The following MMP21 variants were observed in gnomAD, a reference collection of about 807,000 sequenced individuals.
The protein encoded by MMP21 is matrix metalloproteinase-21.
A neutral mutation model predicts 47.8 loss-of-function variants in MMP21; 40 were observed. The observed-to-expected ratio is 0.84, with a 90% CI of 0.65 to 1.09. The LOEUF is 1.09. Among genes scored for constraint, MMP21 ranks in the 50% least tolerant of loss-of-function variants. The pLI, the probability that MMP21 is intolerant of heterozygous loss-of-function variation, is 0.00. For synonymous variants in MMP21, 341 were observed against 318.0 expected (o/e 1.07, Z -0.77); for missense variants, 747 against 775.3 (o/e 0.96, Z 0.43).
chr10:125,774,435 A>T (rs1850493580), intron 1 of MMP21, 70 bp from the exon 2 acceptor site: 1 of 1,118,042 alleles, frequency 8.9e-7, no homozygotes, highest in Non-Finnish European at 1.2e-6. Flanking sequence ...CCTGCCCCAA[A>T]GTCTAGAGAG....
chr10:125,767,925 C>T (rs549500153), intron 5 of MMP21, among the ~76,000 whole-genome samples: 5 of 152,270 alleles, frequency 3.3e-5, no homozygotes, highest in East Asian at 1.9e-4. Context: ...TTTTCTTGGC[C>T]GTCACTGCTG....
chr10:125,772,131 T>A lies in MMP21; in HGVS notation c.979+87A>T. 6.6e-7 allele frequency: 1 copy of A among 1,511,658 alleles called. No individual in the cohort carries two copies. The highest frequency in any genetic ancestry group is 2.3e-5 in the East Asian group (1 of 44,324). The allele number at this position is 1,511,658 out of a possible 1,614,324, so 93.6% of individuals were successfully genotyped here. On this transcript the variant is annotated intron_variant, in intron 4 of 6. Transcript: ENST00000368808. This position sits in a 1 kb window ranked among gnomAD's most constrained non-coding sequence, Gnocchi z 5.6. ...CAACGTTGCGCTCTTAGGCCCAGTT[T>A]CCCAGTGAGGAGTGAGCGGGGTCCT...
In MMP21 at chr10:125,773,968, C is replaced by A. The variant is rs1217996426; in HGVS notation, c.560G>T (p.Ser187Ile). ...SWRLLGEALS[S>I]QLSVADQRRI... ...CCGCTGGTCGGCCACGGACAGTTGG[C>A]TGCTCAGGGCCTCGCCCAGCAGCCG... The change falls in exon 2 of 7, where the codon AGC becomes ATC. Residue 187 changes from serine (S) to isoleucine (I), a missense_variant. Coordinates refer to ENST00000368808, the MANE Select transcript of MMP21 (RefSeq NM_147191.1). The surrounding 1 kb of genome is among the most constrained non-coding windows in gnomAD (Gnocchi z 4.8). 7 of 1,577,228 alleles carry A rather than the reference C, an allele frequency of 4.4e-6. No homozygotes were observed. The highest frequency in any genetic ancestry group is 6.0e-6 in the Non-Finnish European group (7 of 1,169,860).
intron 5 of MMP21, among the ~76,000 whole-genome samples, chr10:125,769,281 C>T (rs1850419827): frequency 6.6e-6 from 1 of 152,216 alleles, no homozygotes; most frequent in Admixed American, 6.5e-5. Context: ...CCCCCAGGCT[C>T]CATCACATCA....
In MMP21 at chr10:125,774,098, G is replaced by T. The variant is rs1292392863; in HGVS notation, c.430C>A (p.Arg144Ser). 6 of 1,348,910 alleles carry T rather than the reference G, an allele frequency of 4.4e-6. No homozygotes were observed. In the African/African-American group the frequency reaches 6.1e-5, roughly 14 times the overall value. 83.6% of individuals were successfully genotyped at this position (1,348,910 alleles called of 1,614,324 possible). A position where few individuals can be genotyped will look rare whatever the true frequency, so the allele number is the denominator to read the frequency against. ...AAGGACAGCGGCGCCCGCGGGGAGC[G>T]CCTGGAGCGGGCTCTGGGGGGCGGG... is the stretch of plus-strand genomic sequence containing the variant. Reference protein sequence around the residue: ...PGPPPRARSRRSPRAPLSLSR... With the variant: ...PGPPPRARSRSSPRAPLSLSR... Residue 144 changes from arginine (R) to serine (S), a missense_variant, in exon 2 of 7, where the codon CGC becomes AGC. Transcript: ENST00000368808.
chr10:125,771,926 C>T (rs768682835), intron 4 of MMP21, among the ~76,000 whole-genome samples: 4 of 151,912 alleles, frequency 2.6e-5, no homozygotes, highest in Non-Finnish European at 4.4e-5. Flanking sequence ...TGCCACAGCA[C>T]GGGTTGGGGG....
intron 4 of MMP21, among the ~76,000 whole-genome samples, chr10:125,771,800 C>G (rs1471879371): frequency 2.0e-5 from 3 of 152,128 alleles, no homozygotes; most frequent in Non-Finnish European, 4.4e-5. Flanking sequence ...ACCACTAGAA[C>G]GTTTGGCCTG....
At chr10:125,769,625 A>G (rs922431589) in intron 5 of MMP21, among the ~76,000 whole-genome samples, 12 of 152,062 alleles carry the variant, frequency 7.9e-5, no homozygotes, top group Non-Finnish European at 1.8e-4. Context: ...CTAGGCCACG[A>G]CCTGATTCCT....
chr10:125,767,448 G>T, intron 6 of MMP21, 84 bp downstream of exon 6: 1 of 1,351,758 alleles, frequency 7.4e-7, no homozygotes, highest in Non-Finnish European at 1.0e-6. Context: ...GCCAAGTACA[G>T]CTTTTAAATA....
rs2133779921 is a variant in MMP21 at position 125,766,879 on chromosome 10, G to A, written c.1493C>T (p.Pro498Leu). 6.2e-7 allele frequency: 1 copy of A among 1,613,086 alleles called. No individual in the cohort carries two copies. Among genetic ancestry groups the A allele is most frequent in the South Asian group, 1.1e-5 (1 of 90,798 alleles). ...TATATTTCTGAAAGGATGATTTTGTGGTATTACTGCTGGAAAAACTTCAGT... is the reference window on the plus strand; with the variant it reads ...TATATTTCTGAAAGGATGATTTTGTAGTATTACTGCTGGAAAAACTTCAGT... ...RITEVFPAVI[P>L]QNHPFRNIDS... The change falls in exon 7 of 7, where the codon CCA becomes CTA. Residue 498 changes from proline to leucine, a missense_variant. Coordinates refer to ENST00000368808, the MANE Select transcript of MMP21 (RefSeq NM_147191.1).
At chr10:125,770,736 T>G (rs1179856033) in intron 4 of MMP21, 145 bp from the exon 5 acceptor site, 1 of 861,032 alleles carries the variant, frequency 1.2e-6, no homozygotes, top group Non-Finnish European at 1.7e-6. Flanking sequence ...AAGGCTGAAG[T>G]GGGGCCAGGT....
In MMP21 at chr10:125,773,498, G is replaced by A. The variant is rs1355338363; in HGVS notation, c.697+333C>T. ...GTGGTGGCAACTTGTGCCTGACCCT[G>A]CCCTGTCCTGAGACCCCAGCTGCTG... On this transcript the variant is annotated intron_variant, in intron 2 of 6. Coordinates refer to ENST00000368808, the MANE Select transcript of MMP21 (RefSeq NM_147191.1). The surrounding 1 kb of genome is among the most constrained non-coding windows in gnomAD (Gnocchi z 4.8). Among the ~76,000 whole-genome samples, 1 of 152,090 alleles carries A rather than the reference G, an allele frequency of 6.6e-6. No individual in the cohort carries two copies. The highest frequency in any genetic ancestry group is 1.5e-5 in the Non-Finnish European group (1 of 67,998).
chr10:125,774,363 C>A lies in MMP21; in HGVS notation c.165G>T (p.Arg55=), dbSNP rs1003240951. ...KPIADLHAAQ[R]FLSRYGWSGV... is the part of the protein sequence containing the mutation. The stretch of plus-strand genomic sequence containing the variant: ...CTGACCAGCCGTATCTGGACAGGAA[C>A]CGCTGTGGGAGAGAAAGGCACCCTA... The change falls in exon 2 of 7, where the codon CGG becomes CGT. Residue 55 remains arginine (R), a splice_region_variant and synonymous_variant. Transcript: ENST00000368808. The A allele has an allele frequency of 1.5e-6, 2 of 1,355,826 alleles. No individual in the cohort carries two copies. Among genetic ancestry groups the A allele is most frequent in the African/African-American group, 3.1e-5 (2 of 65,408 alleles). 84.0% of individuals were successfully genotyped at this position (1,355,826 alleles called of 1,614,324 possible).
chr10:125,773,764 G>A lies in MMP21; in HGVS notation c.697+67C>T. ...CCCCCATTCTGCAGGTGGCCGAGGT[G>A]GGGGTAGGTGCGCCGGGGTCCCCGA... On this transcript the variant is annotated intron_variant, in intron 2 of 6. Transcript: ENST00000368808. This position sits in a 1 kb window ranked among gnomAD's most constrained non-coding sequence, Gnocchi z 4.8. The A allele has an allele frequency of 2.8e-6, 4 of 1,435,254 alleles. No individual in the cohort carries two copies. Among genetic ancestry groups the A allele is most frequent in the South Asian group, 1.5e-5 (1 of 67,428 alleles). 88.9% of individuals were successfully genotyped at this position (1,435,254 alleles called of 1,614,324 possible).
rs28381291 is a variant in MMP21 at position 125,772,778 on chromosome 10, C to T, written c.698-28G>A. Reference sequence around the variant, plus strand: ...GGCGAGGGGGAGGAGGAGTTGGTCCCGGTGAAGGATGAGTGCCCCCCATAC... The same window carrying T: ...GGCGAGGGGGAGGAGGAGTTGGTCCTGGTGAAGGATGAGTGCCCCCCATAC... On this transcript the variant is annotated intron_variant, in intron 2 of 6. Transcript: ENST00000368808. The surrounding 1 kb of genome is among the most constrained non-coding windows in gnomAD (Gnocchi z 5.6). 1.2e-5 allele frequency: 19 copies of T among 1,607,382 alleles called. No individual in the cohort carries two copies. Among genetic ancestry groups the T allele is most frequent in the Non-Finnish European group, 1.5e-5 (18 of 1,177,096 alleles).
chr10:125,774,912 G>A (rs1300658598), intron 1 of MMP21, among the ~76,000 whole-genome samples: 1 of 152,190 alleles, frequency 6.6e-6, no homozygotes, highest in Non-Finnish European at 1.5e-5. Flanking sequence ...CAGTGGTTGG[G>A]TCTGAGGACC....
chr10:125,770,672 A>G, intron 4 of MMP21, 81 bp from the exon 5 acceptor site: 7 of 1,492,122 alleles, frequency 4.7e-6, no homozygotes, highest in East Asian at 2.3e-5. Flanking sequence ...TTGAATGAAG[A>G]CAGTTGCAAA....
At position 125,766,569 on chromosome 10, in the gene MMP21, A is replaced by G. The variant is rs1278437175; in HGVS notation, c.*93T>C. ...ATTGGGTTTTAACTTACAGTGCCAT[A>G]TTTTCTTCAGCTACTGAAAATCCGG... On this transcript the variant is annotated 3_prime_UTR_variant, in exon 7 of 7. Coordinates refer to ENST00000368808, the MANE Select transcript of MMP21 (RefSeq NM_147191.1). 2 of 1,084,676 alleles carry G rather than the reference A, an allele frequency of 1.8e-6. No individual in the cohort carries two copies. The highest frequency in any genetic ancestry group is 5.6e-5 in the Admixed American group (2 of 35,928). 67.2% of individuals were successfully genotyped at this position (1,084,676 alleles called of 1,614,324 possible).
chr10:125,769,151 T>C (rs543117059), intron 5 of MMP21, among the ~76,000 whole-genome samples: 3 of 152,214 alleles, frequency 2.0e-5, no homozygotes, highest in African/African-American at 7.2e-5. Context: ...TGCTGTCTGG[T>C]TTTGCAAAGG....
Sources: allele counts gnomAD v4.1 joint callset (sites outside exome capture counted in the v4.1 genomes callset), GRCh38; gene constraint gnomAD v4.1.1; non-coding constraint Gnocchi (gnomAD v3.1); transcripts MANE v1.5; gene names NCBI Gene and HGNC (gene_info 2026-07-23, HGNC 2026-07-21).